CTXND1: variants seen among roughly 807,000 people sequenced by gnomAD.
The protein encoded by CTXND1 is cortexin domain-containing 1 protein.
intron 1 of CTXND1, among the ~76,000 whole-genome samples, chr15:80,242,304 T>C (rs944929729): frequency 3.3e-5 from 5 of 152,204 alleles, no homozygotes; most frequent in Non-Finnish European, 5.9e-5. Context: ...CTTTGAAATC[T>C]GCAGAAACTC....
intron 1 of CTXND1, among the ~76,000 whole-genome samples, chr15:80,214,621 T>C (rs1292645968): frequency 6.6e-6 from 1 of 152,000 alleles, no homozygotes; most frequent in Non-Finnish European, 1.5e-5. Flanking sequence ...ACTTATGGGG[T>C]GAGGTGAGTG....
intron 1 of CTXND1, among the ~76,000 whole-genome samples, chr15:80,238,641 C>T (rs766335379): frequency 7.2e-5 from 11 of 152,106 alleles, no homozygotes; most frequent in South Asian, 2.1e-4. Context: ...CCCGCCTCCA[C>T]GCCCAGCTAA....
At chr15:80,249,969 A>G (rs1363157448) in intron 1 of CTXND1, among the ~76,000 whole-genome samples, 2 of 152,236 alleles carry the variant, frequency 1.3e-5, no homozygotes, top group Non-Finnish European at 2.9e-5. Flanking sequence ...TATTAGGAGC[A>G]TTAACCTCAG....
At chr15:80,226,774 T>C (rs896180336) in intron 1 of CTXND1, among the ~76,000 whole-genome samples, 1 of 152,254 alleles carries the variant, frequency 6.6e-6, no homozygotes, top group African/African-American at 2.4e-5. Flanking sequence ...TGGCCCCATC[T>C]GCTTTATATC....
intron 1 of CTXND1, among the ~76,000 whole-genome samples, chr15:80,231,662 C>A (rs1187686998): frequency 2.0e-5 from 3 of 152,164 alleles, no homozygotes; most frequent in Non-Finnish European, 4.4e-5. Flanking sequence ...ATTCCTGTGG[C>A]CTTTTTTTCT....
intron 1 of CTXND1, among the ~76,000 whole-genome samples, chr15:80,237,727 C>T (rs529560575): frequency 3.3e-5 from 5 of 152,050 alleles, no homozygotes; most frequent in Non-Finnish European, 7.4e-5. Context: ...AGTTAAAACA[C>T]ACTGGGTGCA....
intron 1 of CTXND1, among the ~76,000 whole-genome samples, chr15:80,205,242 C>A (rs561699162): frequency 6.6e-6 from 1 of 152,126 alleles, no homozygotes; most frequent in African/African-American, 2.4e-5. Context: ...TAAATTCAAC[C>A]GTTCTTCTAT....
intron 1 of CTXND1, among the ~76,000 whole-genome samples, chr15:80,236,612 A>T (rs1022192074): frequency 6.6e-6 from 1 of 152,110 alleles, no homozygotes; most frequent in Non-Finnish European, 1.5e-5. Context: ...GTGGAACGCC[A>T]TCTCTACTAA....
intron 1 of CTXND1, among the ~76,000 whole-genome samples, chr15:80,247,802 C>A (rs952216534): frequency 6.6e-6 from 1 of 150,814 alleles, no homozygotes; most frequent in Non-Finnish European, 1.5e-5. Flanking sequence ...CTTCTGCAGA[C>A]ACTGAGAATG....
rs1893523083 is a variant in CTXND1, at chr15:80,238,085, A to G, written c.-218+13922T>C. On this transcript the variant is annotated intron_variant, in intron 1 of 2. Coordinates refer to ENST00000560778, the MANE Select transcript of CTXND1 (RefSeq NM_001352888.2). ...CACTATAGTAAGCTGTTAATTTATT[A>G]CGGAAGAAACAAAAATTTTAAAATA... Among the ~76,000 whole-genome samples, 4 of 151,896 alleles carry G rather than the reference A, an allele frequency of 2.6e-5. No homozygotes were observed. In the South Asian group the frequency reaches 8.3e-4, roughly 31 times the overall value.
intron 1 of CTXND1, among the ~76,000 whole-genome samples, chr15:80,246,976 G>A (rs1198617118): frequency 1.3e-5 from 2 of 152,162 alleles, no homozygotes; most frequent in Non-Finnish European, 2.9e-5. Flanking sequence ...CACGGTGCTG[G>A]TTAATTTCAT....
Position 80,219,946 on chromosome 15 carries a change from A to G in CTXND1, c.-217-16206T>C, listed in dbSNP as rs895309605. Among the ~76,000 whole-genome samples the G allele has an allele frequency of 6.6e-5, 10 of 152,186 alleles. 1 individual carries two copies. On this transcript the variant is annotated intron_variant, in intron 1 of 2. Coordinates refer to ENST00000560778, the MANE Select transcript of CTXND1 (RefSeq NM_001352888.2). ...ATTCTGCAATCCCTCCCGCCCCGCA[A>G]TCTGTGGCTTGTTTTTCAAATTTGT... is the stretch of plus-strand genomic sequence containing the variant.
intron 1 of CTXND1, among the ~76,000 whole-genome samples, chr15:80,230,323 T>C (rs921731895): frequency 7.2e-5 from 11 of 152,204 alleles, no homozygotes; most frequent in African/African-American, 2.7e-4. Context: ...TTCCTATTAC[T>C]TAAATATTCA....
rs529116422 is a variant in CTXND1, at chr15:80,234,076, G to A, written c.-218+17931C>T. Among the ~76,000 whole-genome samples the A allele has an allele frequency of 2.0e-5, 3 of 152,322 alleles. No homozygotes were observed. The South Asian group carries it at 6.2e-4, about 32-fold the overall frequency. On this transcript the variant is annotated intron_variant, in intron 1 of 2. Coordinates refer to ENST00000560778, the MANE Select transcript of CTXND1 (RefSeq NM_001352888.2). ...ACCTTGAGCAAGTGAGTGAGCCTGG[G>A]TCTTCTCCAGCAAAACCAGCACATT...
intron 1 of CTXND1, among the ~76,000 whole-genome samples, chr15:80,215,274 G>A (rs536131868): frequency 2.6e-5 from 4 of 152,324 alleles, no homozygotes; most frequent in East Asian, 1.9e-4. Flanking sequence ...TGGGGGAATC[G>A]TGTTGGCCAC....
chr15:80,234,833 TTATC>T (rs1287692396), intron 1 of CTXND1, among the ~76,000 whole-genome samples: 2 of 152,314 alleles, frequency 1.3e-5, no homozygotes, highest in African/African-American at 4.8e-5. Flanking sequence ...AATGTCCCCT[TTATC>T]TAAACAGCTG....
At chr15:80,249,727 TCA>T (rs1368569524) in intron 1 of CTXND1, among the ~76,000 whole-genome samples, 1 of 152,218 alleles carries the variant, frequency 6.6e-6, no homozygotes, top group Non-Finnish European at 1.5e-5. Flanking sequence ...CAACTGATAT[TCA>T]CAGTGCTGAT....
chr15:80,228,089 T>G (rs1323565514), intron 1 of CTXND1, among the ~76,000 whole-genome samples: 1 of 152,240 alleles, frequency 6.6e-6, no homozygotes, highest in Non-Finnish European at 1.5e-5. Context: ...TCTTTGCTCA[T>G]CCATAAGAAG....
At chr15:80,244,432 C>T (rs148865183) in intron 1 of CTXND1, among the ~76,000 whole-genome samples, 1 of 152,336 alleles carries the variant, frequency 6.6e-6, no homozygotes, top group Non-Finnish European at 1.5e-5. Flanking sequence ...GGAGGCTGAG[C>T]TCCTCAGGTG....
Sources: allele counts gnomAD v4.1 joint callset (sites outside exome capture counted in the v4.1 genomes callset), GRCh38; gene constraint gnomAD v4.1.1; transcripts MANE v1.5; gene names NCBI Gene and HGNC (gene_info 2026-07-23, HGNC 2026-07-21).